Variants in NLGN4X observed in about 807,000 individuals in gnomAD.
NLGN4X encodes the protein neuroligin 4 X-linked, also known as neuroligin-4, X-linked.
NLGN4X carries 3 observed loss-of-function variants against 40.3 expected under a neutral mutation model. The ratio of observed to expected loss-of-function variants is 0.07; its 90% CI spans 0.03 to 0.19. NLGN4X has a LOEUF of 0.19. Ranked by LOEUF, NLGN4X falls within the 10% of genes least tolerant of loss-of-function variation. The pLI, the probability that NLGN4X is intolerant of heterozygous loss-of-function variation, is 1.00. For synonymous variants in NLGN4X, 270 were observed against 306.8 expected, an observed-to-expected ratio of 0.88 and a Z score of 1.25; for missense variants, 382 against 708.3, an observed-to-expected ratio of 0.54 and a Z score of 5.23.
chrX:5,924,247 A>G (rs2033185590), intron 3 of NLGN4X, among the ~76,000 whole-genome samples: 1 of 111,349 alleles, frequency 9.0e-6, no homozygotes, highest in Non-Finnish European at 1.9e-5. Context: ...ATGCCTCCAA[A>G]ACCCAGGACA....
intron 2 of NLGN4X, among the ~76,000 whole-genome samples, chrX:6,147,161 G>A (rs779015165): frequency 2.9e-4 from 32 of 111,492 alleles, no homozygotes; most frequent in African/African-American, 1.0e-3. Context: ...AAGAATGGAA[G>A]GGCTTCTCGC....
chrX:6,078,287 C>T (rs1020371904), intron 2 of NLGN4X, among the ~76,000 whole-genome samples: 5 of 112,121 alleles, frequency 4.5e-5, no homozygotes, highest in African/African-American at 1.6e-4. Flanking sequence ...TGTTTGCTAT[C>T]GTATCTTCAG....
chrX:5,941,178 GGGGTGTGTGTGT>G (rs1199218416), intron 3 of NLGN4X, among the ~76,000 whole-genome samples: 952 of 51,979 alleles, frequency 0.018, 19 homozygotes, highest in East Asian at 0.086. Context: ...CGTATGCTAG[GGGGTGTGTGTGT>G]GTGTGTGTGT....
intron 2 of NLGN4X, among the ~76,000 whole-genome samples, chrX:6,131,991 T>C (rs1316135106): frequency 9.0e-6 from 1 of 111,668 alleles, no homozygotes; most frequent in Non-Finnish European, 1.9e-5. Context: ...GTGGCATCCC[T>C]TGCCTCCATT....
chrX:5,912,404 C>G (rs2032523861), intron 3 of NLGN4X, among the ~76,000 whole-genome samples: 1 of 111,338 alleles, frequency 9.0e-6, no homozygotes, highest in Non-Finnish European at 1.9e-5. Context: ...AAAACCCAAG[C>G]CTCCAAATTT....
Position 5,951,542 on chromosome X carries a change from G to C in NLGN4X, c.626-42303C>G, listed in dbSNP as rs182836162. On this transcript the variant is annotated intron_variant, in intron 3 of 5. Transcript: ENST00000381095. ...AACATGCCCTATCTTACCTCTTTTG[G>C]CTGCTAAAACAAAAGACTGCAGACC... Among the ~76,000 whole-genome samples the C allele has an allele frequency of 3.4e-3, 371 of 109,974 alleles. 1 individual carries two copies. The highest frequency in any genetic ancestry group is 0.011 in the African/African-American group (323 of 30,239).
chrX:6,056,794 A>T (rs1390420793), intron 2 of NLGN4X, among the ~76,000 whole-genome samples: 2 of 112,093 alleles, frequency 1.8e-5, no homozygotes, highest in Non-Finnish European at 3.8e-5. Flanking sequence ...TGAATCTAAC[A>T]TGTGTTGACT....
At chrX:6,162,855 TTACA>T (rs1325006578) in intron 1 of NLGN4X, among the ~76,000 whole-genome samples, 2 of 111,920 alleles carry the variant, frequency 1.8e-5, no homozygotes, top group African/African-American at 6.5e-5. Context: ...TTCACACACC[TTACA>T]TAAAGATATG....
At chrX:6,111,257 CA>C (rs2039141940) in intron 2 of NLGN4X, among the ~76,000 whole-genome samples, 1 of 111,764 alleles carries the variant, frequency 8.9e-6, no homozygotes, top group African/African-American at 3.3e-5. Context: ...ATCCAATACA[CA>C]ACATGATAAC....
At chrX:6,024,172 T>C (rs774761977) in intron 3 of NLGN4X, among the ~76,000 whole-genome samples, 2 of 111,984 alleles carry the variant, frequency 1.8e-5, no homozygotes, top group East Asian at 5.6e-4. Flanking sequence ...CCTGGATTAA[T>C]GTCTAATCTT....
chrX:6,138,313 G>T (rs2039868795), intron 2 of NLGN4X, among the ~76,000 whole-genome samples: 1 of 111,430 alleles, frequency 9.0e-6, no homozygotes, highest in Non-Finnish European at 1.9e-5. Flanking sequence ...TGACACTGAA[G>T]AGGATGCTTG....
intron 3 of NLGN4X, among the ~76,000 whole-genome samples, chrX:6,026,080 G>C (rs756346564): frequency 9.0e-5 from 10 of 110,601 alleles, no homozygotes; most frequent in Non-Finnish European, 1.7e-4. Flanking sequence ...AACGCTAGCT[G>C]ACTTTCTCAA....
At chrX:6,048,996 TTAAAA>T (rs913555314) in intron 2 of NLGN4X, among the ~76,000 whole-genome samples, 33 of 105,275 alleles carry the variant, frequency 3.1e-4, no homozygotes, top group African/African-American at 5.2e-4. Context: ...ATCCCAGAAC[TTAAAA>T]TAAAATAAAA....
chrX:6,042,728 T>TACACACAC (rs202030040), intron 2 of NLGN4X, among the ~76,000 whole-genome samples: 5 of 29,294 alleles, frequency 1.7e-4, no homozygotes, highest in Admixed American at 4.5e-4. Context: ...TATATATATA[T>TACACACAC]ATACACACAC....
chrX:6,138,200 C>T (rs927012056), intron 2 of NLGN4X, among the ~76,000 whole-genome samples: 1 of 111,663 alleles, frequency 9.0e-6, no homozygotes, highest in African/African-American at 3.3e-5. Flanking sequence ...GCTTCCAGCT[C>T]AATATATATA....
chrX:6,137,265 T>G (rs1434930686), intron 2 of NLGN4X, among the ~76,000 whole-genome samples: 1 of 112,075 alleles, frequency 8.9e-6, no homozygotes, highest in East Asian at 2.8e-4. Context: ...TCTCCCTGTT[T>G]CTGTCTTTGT....
intron 2 of NLGN4X, among the ~76,000 whole-genome samples, chrX:6,110,349 T>C (rs1487434802): frequency 9.0e-6 from 1 of 110,542 alleles, no homozygotes; most frequent in Non-Finnish European, 1.9e-5. Flanking sequence ...AGGCTCCCAC[T>C]CACAGACAGT....
At chrX:6,222,344 A>C (rs1925788885) in intron 1 of NLGN4X, among the ~76,000 whole-genome samples, 1 of 111,506 alleles carries the variant, frequency 9.0e-6, no homozygotes, top group African/African-American at 3.3e-5. Context: ...TAAAACCAAA[A>C]TGATCACCGA....
intron 3 of NLGN4X, among the ~76,000 whole-genome samples, chrX:6,002,295 G>A (rs970707096): frequency 1.8e-5 from 2 of 111,652 alleles, no homozygotes; most frequent in Admixed American, 9.5e-5. Flanking sequence ...TGACCCAACC[G>A]CAAAGAGCCA....
Sources: allele counts gnomAD v4.1 joint callset (sites outside exome capture counted in the v4.1 genomes callset), GRCh38; gene constraint gnomAD v4.1.1; transcripts MANE v1.5; gene names NCBI Gene and HGNC (gene_info 2026-07-23, HGNC 2026-07-21).